Variants in LIMCH1 observed in about 807,000 individuals in gnomAD.
LIMCH1 encodes LIM and calponin homology domains-containing protein 1.
Under a neutral mutation model 176.5 loss-of-function variants are expected in LIMCH1, and 113 were observed. The ratio of observed to expected loss-of-function variants is 0.64; its 90% CI spans 0.55 to 0.75. LIMCH1 has a LOEUF of 0.75. Among genes scored for constraint, LIMCH1 ranks in the 30% least tolerant of loss-of-function variants. The pLI, the probability that LIMCH1 is intolerant of heterozygous loss-of-function variation, is 0.00. For missense variants in LIMCH1, 1,674 were observed against 1,814.9 expected, an observed-to-expected ratio of 0.92 and a Z score of 1.41; for synonymous variants, 619 against 645.9, an observed-to-expected ratio of 0.96 and a Z score of 0.63.
intron 1 of LIMCH1, among the ~76,000 whole-genome samples, chr4:41,470,343 T>C (rs112503718): frequency 1.3e-5 from 2 of 152,252 alleles, no homozygotes; most frequent in African/African-American, 4.8e-5. Context: ...CCTGCTCGTG[T>C]GTAAGGCTAG....
chr4:41,607,185 TGAACTA>T (rs1418893268), intron 4 of LIMCH1, among the ~76,000 whole-genome samples: 1 of 152,190 alleles, frequency 6.6e-6, no homozygotes, highest in African/African-American at 2.4e-5. Flanking sequence ...GCAAAATAAA[TGAACTA>T]GAAACATTCA....
At chr4:41,543,592 T>C (rs2078969071) in intron 1 of LIMCH1, among the ~76,000 whole-genome samples, 1 of 152,174 alleles carries the variant, frequency 6.6e-6, no homozygotes, top group South Asian at 2.1e-4. Flanking sequence ...GTCCTCATGG[T>C]CATTTTGACC....
rs548939905 is a variant in LIMCH1, at chr4:41,447,811, G to A, written c.97-46725G>A. The stretch of plus-strand genomic sequence containing the variant: ...AGTAGCATTTTTTTTTCGTTTTTGA[G>A]ACAGGGTCTCCCTCTGTCTCCCAGT... On this transcript the variant is annotated intron_variant, in intron 1 of 26. Transcript: ENST00000313860. Among the ~76,000 whole-genome samples the A allele has an allele frequency of 2.5e-4, 38 of 151,818 alleles. No individual in the cohort carries two copies. The South Asian group carries it at 7.5e-3, about 30-fold the overall frequency.
intron 1 of LIMCH1, among the ~76,000 whole-genome samples, chr4:41,386,817 A>T (rs1006717222): frequency 6.6e-6 from 1 of 152,228 alleles, no homozygotes; most frequent in Non-Finnish European, 1.5e-5. Context: ...TATCAGTTCA[A>T]TAGTGAGGTT....
chr4:41,401,072 T>C (rs758422004), intron 1 of LIMCH1, among the ~76,000 whole-genome samples: 34 of 152,364 alleles, frequency 2.2e-4, no homozygotes, highest in Non-Finnish European at 4.7e-4. Context: ...TTTGTTGCCA[T>C]TGCTTTTGGT....
At chr4:41,500,403 A>G (rs2073056273) in intron 2 of LIMCH1, among the ~76,000 whole-genome samples, 2 of 152,166 alleles carry the variant, frequency 1.3e-5, no homozygotes, top group African/African-American at 2.4e-5. Context: ...TCACCAATCC[A>G]TTGGCATCCA....
chr4:41,621,343 T>C (rs2092567317), intron 7 of LIMCH1, among the ~76,000 whole-genome samples: 1 of 152,162 alleles, frequency 6.6e-6, no homozygotes, highest in Non-Finnish European at 1.5e-5. Flanking sequence ...AAAACTATAG[T>C]TCTGCACTCT....
chr4:41,670,220 G>A (rs1055010931), intron 21 of LIMCH1, among the ~76,000 whole-genome samples: 1 of 152,030 alleles, frequency 6.6e-6, no homozygotes, highest in Non-Finnish European at 1.5e-5. Flanking sequence ...CTTGCCATGA[G>A]CCACCACAGA....
intron 1 of LIMCH1, among the ~76,000 whole-genome samples, chr4:41,492,944 T>A (rs1047180919): frequency 2.0e-5 from 3 of 152,146 alleles, no homozygotes; most frequent in Non-Finnish European, 4.4e-5. Context: ...TGGAAAAAAA[T>A]TATTTCCTAA....
At position 41,613,742 on chromosome 4, in the gene LIMCH1, C is replaced by A; in HGVS notation, c.205+81C>A. 4 of 1,229,618 alleles carry A rather than the reference C, an allele frequency of 3.3e-6. 1 individual carries two copies. Among genetic ancestry groups the A allele is most frequent in the South Asian group, 1.3e-5 (1 of 75,340 alleles). The allele number at this position is 1,229,618 out of a possible 1,614,324, so 76.2% of individuals were successfully genotyped here. A position where few individuals can be genotyped will look rare whatever the true frequency, so the allele number is the denominator to read the frequency against. ...GCATTGCGCCTGGCAGAGGGATGGG[C>A]ACTGGGAAAGCAGGCTCCATATCCA... is the stretch of plus-strand genomic sequence containing the variant. On this transcript the variant is annotated intron_variant, in intron 5 of 31. Coordinates refer to ENST00000503057, the MANE Select transcript of LIMCH1 (RefSeq NM_001330672.2).
intron 1 of LIMCH1, among the ~76,000 whole-genome samples, chr4:41,373,775 C>T (rs1168915262): frequency 6.6e-6 from 1 of 152,136 alleles, no homozygotes; most frequent in East Asian, 1.9e-4. Context: ...GGATTTATGT[C>T]CCTGCCCAAA....
intron 1 of LIMCH1, among the ~76,000 whole-genome samples, chr4:41,402,443 A>G (rs2058547235): frequency 4.7e-5 from 7 of 148,890 alleles, no homozygotes; most frequent in Admixed American, 4.7e-4. Flanking sequence ...CTAGAACTAG[A>G]AATACCATTT....
intron 1 of LIMCH1, among the ~76,000 whole-genome samples, chr4:41,558,318 T>C (rs907477362): frequency 2.0e-5 from 3 of 152,158 alleles, no homozygotes; most frequent in African/African-American, 7.2e-5. Flanking sequence ...TTAGATCTTA[T>C]GGGAATTTCA....
chr4:41,412,852 A>C (rs891260900), intron 1 of LIMCH1, among the ~76,000 whole-genome samples: 1 of 152,212 alleles, frequency 6.6e-6, no homozygotes, highest in Non-Finnish European at 1.5e-5. Context: ...GAAGATGTTC[A>C]TCTAGGGGAC....
intron 18 of LIMCH1, among the ~76,000 whole-genome samples, chr4:41,652,639 A>C (rs960178694): frequency 9.2e-5 from 14 of 152,228 alleles, no homozygotes; most frequent in African/African-American, 3.4e-4. Context: ...GGGACAATTA[A>C]TAATTCTGTT....
At chr4:41,527,578 G>A (rs1014948439) in intron 3 of LIMCH1, among the ~76,000 whole-genome samples, 1 of 152,156 alleles carries the variant, frequency 6.6e-6, no homozygotes, top group South Asian at 2.1e-4. Context: ...GCTCACGCCT[G>A]TAATCCCAGC....
At chr4:41,508,545 G>A (rs772257108) in intron 2 of LIMCH1, among the ~76,000 whole-genome samples, 9 of 152,136 alleles carry the variant, frequency 5.9e-5, no homozygotes, top group Non-Finnish European at 1.2e-4. Flanking sequence ...CGGACATCAG[G>A]GTTAAGCTAT....
chr4:41,389,123 TAA>T (rs1239462557), intron 1 of LIMCH1: 13 of 152,326 alleles, frequency 8.5e-5, no homozygotes, highest in African/African-American at 3.1e-4. Flanking sequence ...CCATACCACC[TAA>T]GTTTGACCCC....
chr4:41,620,264 T>C (rs2092459772), intron 6 of LIMCH1, 160 bp from the exon 7 acceptor site: 2 of 704,734 alleles, frequency 2.8e-6, no homozygotes, highest in Non-Finnish European at 4.5e-6. Context: ...ATGAATTAAA[T>C]GGCTGCGTTG....
Sources: gnomAD v4.1 joint callset for allele counts (sites outside exome capture counted in the v4.1 genomes callset) on GRCh38, gnomAD v4.1.1 for gene constraint, MANE v1.5 for transcripts, NCBI Gene and HGNC (gene_info 2026-07-23, HGNC 2026-07-21) for gene names.